Variants in ATXN2L observed in about 807,000 individuals in gnomAD.
The protein encoded by ATXN2L is ataxin-2-like protein.
Under a neutral mutation model 120.7 loss-of-function variants are expected in ATXN2L, and 24 were observed. The ratio of observed to expected loss-of-function variants is 0.20; its 90% CI spans 0.14 to 0.28. ATXN2L has a LOEUF of 0.28. Among genes scored for constraint, ATXN2L ranks in the 10% least tolerant of loss-of-function variants. The probability of loss-of-function intolerance (pLI) is 1.00; values close to 1 mark genes in which losing one functional copy is unlikely to be tolerated. For missense variants in ATXN2L, 1,312 were observed against 1,432.3 expected, an observed-to-expected ratio of 0.92 and a Z score of 1.36; for synonymous variants, 653 against 568.1, an observed-to-expected ratio of 1.15 and a Z score of -2.13.
intron 8 of ATXN2L, 52 bp from the exon 9 acceptor site, chr16:28,830,563 T>C: frequency 1.3e-6 from 2 of 1,498,094 alleles, no homozygotes; most frequent in Non-Finnish European, 1.8e-6. Flanking sequence ...GCTTCATCTT[T>C]CCAAAACGTG....
At chr16:28,827,146 A>G (rs756373648) in intron 6 of ATXN2L, among the ~76,000 whole-genome samples, 160 bp downstream of exon 6, 5 of 152,226 alleles carry the variant, frequency 3.3e-5, no homozygotes, top group Non-Finnish European at 7.3e-5. Flanking sequence ...AAAAATATCT[A>G]TTCTTAGCTG....
At chr16:28,825,059 A>T (rs912705614) in intron 1 of ATXN2L, among the ~76,000 whole-genome samples, 3 of 146,990 alleles carry the variant, frequency 2.0e-5, no homozygotes, top group African/African-American at 7.5e-5. Flanking sequence ...CTAAAAATTA[A>T]AAAAAAAAAA....
At position 28,836,603 on chromosome 16, in the gene ATXN2L, G is replaced by C; in HGVS notation, c.*338G>C. On this transcript the variant is annotated 3_prime_UTR_variant, in exon 22 of 22. Transcript: ENST00000336783. ...TTGACCTGTGCTTCTGACAGCCCCC[G>C]AGACACCTTGAGGAGGCCGCTCCTT... 1 of 1,583,810 alleles carries C rather than the reference G, an allele frequency of 6.3e-7. No individual in the cohort carries two copies. The highest frequency in any genetic ancestry group is 8.6e-7 in the Non-Finnish European group (1 of 1,167,696).
Position 28,825,416 on chromosome 16 carries a change from C to T in ATXN2L, c.336+14C>T. On this transcript the variant is annotated intron_variant, in intron 2 of 21. Transcript: ENST00000336783. ...CCACAGTCACCTGTGAGTGTCTTCTCCCACCCTGTTTAAGATACATAGACC... is the reference window on the plus strand; with the variant it reads ...CCACAGTCACCTGTGAGTGTCTTCTTCCACCCTGTTTAAGATACATAGACC... 6.2e-7 allele frequency: 1 copy of T among 1,613,102 alleles called. No homozygotes were observed. The highest frequency in any genetic ancestry group is 8.5e-7 in the Non-Finnish European group (1 of 1,179,390).
Position 28,834,331 on chromosome 16 carries a change from C to A in ATXN2L, c.2173-12C>A. 6.2e-7 allele frequency: 1 copy of A among 1,613,566 alleles called. No individual in the cohort carries two copies. Among genetic ancestry groups the A allele is most frequent in the South Asian group, 1.1e-5 (1 of 91,058 alleles). The stretch of plus-strand genomic sequence containing the variant: ...GCGAGTCATTCAGCCTCATCTGTGT[C>A]CTCATCCCCAGGCACCTCAGATGTA... On this transcript the variant is annotated splice_polypyrimidine_tract_variant and intron_variant, in intron 16 of 21. Transcript: ENST00000336783.
At position 28,833,430 on chromosome 16, in the gene ATXN2L, C is replaced by A. The variant is rs201301812; in HGVS notation, c.1956-9C>A. On this transcript the variant is annotated splice_polypyrimidine_tract_variant and intron_variant, in intron 14 of 21. Transcript: ENST00000336783. ...AAGCCGTGAAGATTTACTGTACTTT[C>A]TCTCACAGACAAGTAAAGAAATCAA... The A allele has an allele frequency of 6.2e-7, 1 of 1,614,042 alleles. No homozygotes were observed. The highest frequency in any genetic ancestry group is 1.3e-5 in the African/African-American group (1 of 74,920).
At chr16:28,826,061 C>T in intron 4 of ATXN2L, 179 bp from the exon 5 acceptor site, 4 of 836,434 alleles carry the variant, frequency 4.8e-6, no homozygotes, top group Non-Finnish European at 5.5e-6. Context: ...TTTGCTAAGT[C>T]CTGTGGCTGA....
chr16:28,824,728 G>A, intron 1 of ATXN2L: 2 of 491,684 alleles, frequency 4.1e-6, no homozygotes, highest in South Asian at 5.1e-5. Flanking sequence ...CAGCTGGCGT[G>A]GCTTTTTGGT....
At position 28,832,382 on chromosome 16, in the gene ATXN2L, C is replaced by G. The variant is rs2054816376; in HGVS notation, c.1499C>G (p.Ser500Cys). 2 of 1,614,118 alleles carry G rather than the reference C, an allele frequency of 1.2e-6. No individual in the cohort carries two copies. The highest frequency in any genetic ancestry group is 1.7e-6 in the Non-Finnish European group (2 of 1,180,000). Residue 500 changes from serine to cysteine, a missense_variant, in exon 11 of 22, where the codon TCC becomes TGC. By Grantham distance (112) the Ser-to-Cys change is moderately radical. Coordinates refer to ENST00000336783, the MANE Select transcript of ATXN2L (RefSeq NM_007245.4). ...GSISPASPKISLAPTDVKELS... is the reference protein window; with the variant it reads ...GSISPASPKICLAPTDVKELS... ...ATTTCTCCAGCTTCTCCAAAGATCT[C>G]CCTGGCCCCCACAGATGGTAAGAGC...
At position 28,832,226 on chromosome 16, in the gene ATXN2L, G is replaced by C; in HGVS notation, c.1343G>C (p.Arg448Pro). The part of the protein sequence containing the change: ...PPAVGRMYPP[R>P]SPKSAAPAPI... ...CCAGTGGGCCGGATGTATCCCCCGC[G>C]TTCTCCCAAGTCTGCTGCCCCTGCC... Residue 448 changes from arginine (R) to proline (P), a missense_variant, in exon 11 of 22, where the codon CGT (arginine) becomes CCT (proline). Transcript: ENST00000336783. The C allele has an allele frequency of 6.2e-7, 1 of 1,614,004 alleles. No homozygotes were observed. The highest frequency in any genetic ancestry group is 8.5e-7 in the Non-Finnish European group (1 of 1,180,008).
chr16:28,823,352 C>T lies in ATXN2L; in HGVS notation c.93C>T (p.Thr31=), dbSNP rs1455842983. ...QAVARRPPGG[T]SPPNGGLPGP... is the part of the protein sequence containing the mutation. ...TGGCCCGTCGGCCCCCCGGGGGCACCAGCCCTCCCAACGGCGGCCTCCCGG... is the reference window on the plus strand; with the variant it reads ...TGGCCCGTCGGCCCCCCGGGGGCACTAGCCCTCCCAACGGCGGCCTCCCGG... Residue 31 remains threonine, a synonymous_variant, in exon 1 of 22, where the codon ACC becomes ACT. Transcript: ENST00000336783. 7.3e-6 allele frequency: 10 copies of T among 1,369,368 alleles called. No homozygotes were observed. The highest frequency in any genetic ancestry group is 9.4e-6 in the Non-Finnish European group (10 of 1,063,420). The allele number at this position is 1,369,368 out of a possible 1,614,324, so 84.8% of individuals were successfully genotyped here. A position where few individuals can be genotyped will look rare whatever the true frequency, so the allele number is the denominator to read the frequency against.
In ATXN2L at chr16:28,835,557, G is replaced by A. The variant is rs761259753; in HGVS notation, c.2694G>A (p.Ala898=). ...CTTCCCCTCCCCAGCAGCATCAGGCGGGGCAGGCCCCACACTTGGGCAGTG... is the reference window on the plus strand; with the variant it reads ...CTTCCCCTCCCCAGCAGCATCAGGCAGGGCAGGCCCCACACTTGGGCAGTG... ...HAAPSPVQHQ[A]GQAPHLGSGQ... The change falls in exon 21 of 22, where the codon GCG becomes GCA. Residue 898 remains alanine, a synonymous_variant. Coordinates refer to ENST00000336783, the MANE Select transcript of ATXN2L (RefSeq NM_007245.4). 9 of 1,613,554 alleles carry A rather than the reference G, an allele frequency of 5.6e-6. No individual in the cohort carries two copies. Among genetic ancestry groups the A allele is most frequent in the Admixed American group, 1.7e-5 (1 of 60,008 alleles).
intron 6 of ATXN2L, 104 bp from the exon 7 acceptor site, chr16:28,829,297 C>T (rs1596904278): frequency 1.2e-6 from 1 of 801,422 alleles, no homozygotes; most frequent in Admixed American, 1.9e-5. Flanking sequence ...GCCACTGTGC[C>T]CAGCCAATTT....
Position 28,826,298 on chromosome 16 carries a change from G to A in ATXN2L, c.524G>A (p.Arg175His), listed in dbSNP as rs1415035922. The part of the protein sequence containing the change: ...RKASEPAGGP[R>H]REDIVDTMVF... ...GCATCTGAGCCAGCAGGTGGCCCTCGTCGGGAGGACATTGTGGACACCATG... is the reference window on the plus strand; with the variant it reads ...GCATCTGAGCCAGCAGGTGGCCCTCATCGGGAGGACATTGTGGACACCATG... Residue 175 changes from arginine to histidine, a missense_variant, in exon 5 of 22, where the codon CGT (arginine) becomes CAT (histidine). Physicochemically the swap from Arg to His is conservative, Grantham distance 29. Transcript: ENST00000336783. 8 of 1,614,188 alleles carry A rather than the reference G, an allele frequency of 5.0e-6. No homozygotes were observed. Among genetic ancestry groups the A allele is most frequent in the South Asian group, 1.1e-5 (1 of 91,086 alleles).
intron 18 of ATXN2L, 55 bp downstream of exon 18, chr16:28,834,748 T>C: frequency 6.5e-7 from 1 of 1,540,062 alleles, no homozygotes; most frequent in East Asian, 2.3e-5. Context: ...AGGGATCCCA[T>C]CTTCTCCAGA....
intron 1 of ATXN2L, among the ~76,000 whole-genome samples, chr16:28,824,851 G>A (rs1432907282): frequency 6.6e-6 from 1 of 152,104 alleles, no homozygotes; most frequent in African/African-American, 2.4e-5. Flanking sequence ...GCATTTGGAG[G>A]AAATGTGTTT....
In ATXN2L at chr16:28,833,472, T is replaced by C; in HGVS notation, c.1989T>C (p.Ala663=). 6.2e-7 allele frequency: 1 copy of C among 1,614,184 alleles called. No individual in the cohort carries two copies. The highest frequency in any genetic ancestry group is 2.2e-5 in the East Asian group (1 of 44,886). Residue 663 remains alanine, a synonymous_variant, in exon 15 of 22, where the codon GCT becomes GCC. Coordinates refer to ENST00000336783, the MANE Select transcript of ATXN2L (RefSeq NM_007245.4). ...QVKKSTLNPN[A]KEFNPTKPLL... ...AGAAATCAACGTTGAACCCTAATGC[T>C]AAGGAGTTCAATCCTACAAAGCCTC...
chr16:28,827,090 G>C, intron 6 of ATXN2L, 104 bp downstream of exon 6: 1 of 1,171,788 alleles, frequency 8.5e-7, no homozygotes, highest in Non-Finnish European at 1.1e-6. Context: ...GTTGCCCATT[G>C]ATGGTAGTCA....
At chr16:28,823,625 G>A in intron 1 of ATXN2L, 67 bp downstream of exon 1, 1 of 1,255,348 alleles carries the variant, frequency 8.0e-7, no homozygotes. Flanking sequence ...GTTCCGGTGG[G>A]GCGGACCCCG....
Sources: allele counts gnomAD v4.1 joint callset (sites outside exome capture counted in the v4.1 genomes callset), GRCh38; gene constraint gnomAD v4.1.1; transcripts MANE v1.5; gene names NCBI Gene and HGNC (gene_info 2026-07-23, HGNC 2026-07-21).